The following RAB37 variants were observed in gnomAD, a reference collection of about 807,000 sequenced individuals.
The protein encoded by RAB37 is ras-related protein Rab-37.
In RAB37, 29 loss-of-function variants were observed where a neutral mutation model predicts 33.1. The observed-to-expected ratio is 0.88, with a 90% confidence interval of 0.65 to 1.20. The LOEUF is 1.20. Among genes scored for constraint, RAB37 ranks in the 50% most tolerant of loss-of-function variants. The pLI is 0.00. For synonymous variants in RAB37, 128 were observed against 119.5 expected, an observed-to-expected ratio of 1.07 and a Z score of -0.47; for missense variants, 299 against 301.1, an observed-to-expected ratio of 0.99 and a Z score of 0.05.
chr17:74,732,602 T>C (rs201537291), upstream of RAB37, among the ~76,000 whole-genome samples: 733 of 37,004 alleles, frequency 0.02, no homozygotes, highest in East Asian at 0.047. Flanking sequence ...TGGTGAGGTG[T>C]GTGTGTCTGG....
chr17:74,683,674 G>A (rs954932781), intron 1 of RAB37, among the ~76,000 whole-genome samples: 3 of 152,220 alleles, frequency 2.0e-5, no homozygotes, highest in Admixed American at 6.5e-5. Context: ...ACCCCTGCAA[G>A]GTCTGAGCCT....
chr17:74,734,646 C>G (rs928868444), upstream of RAB37, among the ~76,000 whole-genome samples: 1 of 152,114 alleles, frequency 6.6e-6, no homozygotes, highest in African/African-American at 2.4e-5. Context: ...GAGTTCAAGA[C>G]CAGCCTGGCC....
chr17:74,681,027 C>A (rs577112943), intron 1 of RAB37, among the ~76,000 whole-genome samples: 1 of 152,224 alleles, frequency 6.6e-6, no homozygotes, highest in Non-Finnish European at 1.5e-5. Flanking sequence ...ATATTTACTG[C>A]GCACCACATG....
In RAB37 at chr17:74,744,195, G is replaced by C; in HGVS notation, c.367-113G>C. ...AGAACAAAGGTACAGATGAGAGAAC[G>C]CACAGGGTATCGTGTTCAAGGTAGT... is the stretch of plus-strand genomic sequence containing the variant. On this transcript the variant is annotated intron_variant, in intron 5 of 8. Transcript: ENST00000392613. The surrounding 1 kb of genome is among the most constrained non-coding windows in gnomAD (Gnocchi z 4.2). 2.0e-6 allele frequency: 2 copies of C among 1,022,930 alleles called. No homozygotes were observed. The highest frequency in any genetic ancestry group is 2.9e-6 in the Non-Finnish European group (2 of 688,430). The allele number at this position is 1,022,930 out of a possible 1,614,324, so 63.4% of individuals were successfully genotyped here.
intron 1 of RAB37, among the ~76,000 whole-genome samples, chr17:74,701,883 G>A (rs562001001): frequency 6.6e-6 from 1 of 151,480 alleles, no homozygotes; most frequent in South Asian, 2.1e-4. Context: ...GCTGGGTGTG[G>A]TGGTGGGCGA....
chr17:74,743,049 A>G, intron 3 of RAB37, 80 bp from the exon 4 acceptor site: 2 of 1,316,646 alleles, frequency 1.5e-6, no homozygotes, highest in East Asian at 4.7e-5. Context: ...TATCTCATAC[A>G]ACAAAGCAGG....
intron 1 of RAB37, among the ~76,000 whole-genome samples, chr17:74,716,308 A>G (rs924659860): frequency 1.2e-4 from 18 of 152,146 alleles, no homozygotes; most frequent in African/African-American, 4.3e-4. Context: ...GTGTGTGTGC[A>G]TGTATGTACG....
At chr17:74,715,545 A>G (rs1489390090) in intron 1 of RAB37, among the ~76,000 whole-genome samples, 1 of 152,210 alleles carries the variant, frequency 6.6e-6, no homozygotes, top group African/African-American at 2.4e-5. Flanking sequence ...AAAAAGGACC[A>G]GGAATGGGGG....
intron 1 of RAB37, among the ~76,000 whole-genome samples, chr17:74,674,380 G>A (rs561841278): frequency 7.4e-4 from 112 of 151,296 alleles, no homozygotes; most frequent in East Asian, 2.4e-3. Context: ...CATGCCCAGC[G>A]TGGGGAAATG....
intron 1 of RAB37, among the ~76,000 whole-genome samples, chr17:74,727,685 G>C (rs2034322034): frequency 6.6e-6 from 1 of 152,256 alleles, no homozygotes; most frequent in African/African-American, 2.4e-5. Context: ...ATGGAAGTCT[G>C]AGAGACACAT....
At chr17:74,743,874 C>T (rs1054684243) in intron 5 of RAB37, among the ~76,000 whole-genome samples, 1 of 152,138 alleles carries the variant, frequency 6.6e-6, no homozygotes, top group East Asian at 1.9e-4. Context: ...GAGAATAAAA[C>T]GTTTATATAG....
intron 1 of RAB37, among the ~76,000 whole-genome samples, chr17:74,700,104 T>C (rs1213157779): frequency 6.6e-6 from 1 of 151,820 alleles, no homozygotes; most frequent in Non-Finnish European, 1.5e-5. Context: ...ATCGCGCCAC[T>C]GCACTCCAGC....
upstream of RAB37, among the ~76,000 whole-genome samples, chr17:74,735,006 A>AAAGGAAGGAAGGAAGGAAGG (rs1278575071): frequency 6.1e-5 from 6 of 99,114 alleles, no homozygotes; most frequent in Admixed American, 1.1e-4. Context: ...AAAGAAAAAG[A>AAAGGAAGGAAGGAAGGAAGG]AAGGAAGGAA....
chr17:74,712,437 C>T (rs1325027119), intron 1 of RAB37, among the ~76,000 whole-genome samples: 1 of 152,228 alleles, frequency 6.6e-6, no homozygotes, highest in East Asian at 1.9e-4. Flanking sequence ...TCCAGCCTCA[C>T]CTCTTCCCTG....
intron 1 of RAB37, among the ~76,000 whole-genome samples, chr17:74,713,793 T>C (rs2034105795): frequency 6.9e-6 from 1 of 145,920 alleles, no homozygotes; most frequent in African/African-American, 2.5e-5. Flanking sequence ...CCAGGTACGG[T>C]GGCTCACACC....
intron 1 of RAB37, among the ~76,000 whole-genome samples, chr17:74,687,175 C>A (rs183023979): frequency 2.0e-5 from 3 of 151,574 alleles, no homozygotes; most frequent in East Asian, 3.9e-4. Context: ...GTCACCTTTT[C>A]TTTTTATTTA....
At chr17:74,740,108 A>T (rs190066132) in intron 1 of RAB37, among the ~76,000 whole-genome samples, 1 of 151,582 alleles carries the variant, frequency 6.6e-6, no homozygotes, top group African/African-American at 2.4e-5. Flanking sequence ...GTGAGCCAAG[A>T]TCTCGCCATT....
chr17:74,696,730 TGTAAGCTGCAGGGTGGCTGG>T (rs2032517392), intron 1 of RAB37, among the ~76,000 whole-genome samples: 2 of 152,192 alleles, frequency 1.3e-5, no homozygotes, highest in African/African-American at 2.4e-5. Context: ...TCAGGTGGGC[TGTAAGCTGCAGGGTGGCTGG>T]GCCTGTCCCT....
chr17:74,740,991 G>T (rs578213215), intron 2 of RAB37, 113 bp downstream of exon 2: 2 of 784,282 alleles, frequency 2.6e-6, no homozygotes, highest in Admixed American at 3.9e-5. Context: ...CGAGGCTCAT[G>T]CCTGGAGGGC....
Sources: allele counts gnomAD v4.1 joint callset (sites outside exome capture counted in the v4.1 genomes callset), GRCh38; gene constraint gnomAD v4.1.1; non-coding constraint Gnocchi (gnomAD v3.1); transcripts MANE v1.5; gene names NCBI Gene and HGNC (gene_info 2026-07-23, HGNC 2026-07-21).